Variants in TDRD1 observed in about 807,000 individuals in gnomAD.
The protein encoded by TDRD1 is tudor domain-containing protein 1.
A neutral mutation model predicts 140.6 loss-of-function variants in TDRD1; 37 were observed. The ratio of observed to expected loss-of-function variants is 0.26; its 90% CI spans 0.20 to 0.35. TDRD1 has a LOEUF of 0.35. Ranked by LOEUF, TDRD1 falls within the 10% of genes least tolerant of loss-of-function variation. TDRD1 has a pLI of 1.00. For synonymous variants in TDRD1, 506 were observed against 475.7 expected, an observed-to-expected ratio of 1.06 and a Z score of -0.83; for missense variants, 1,243 against 1,393.0, an observed-to-expected ratio of 0.89 and a Z score of 1.71.
chr10:114,180,437 G>C (rs1474669855), intron 1 of TDRD1, among the ~76,000 whole-genome samples: 1 of 152,166 alleles, frequency 6.6e-6, no homozygotes, highest in Non-Finnish European at 1.5e-5. Context: ...TTACCGAAGC[G>C]TTGCGTTTTG....
intron 17 of TDRD1, 128 bp downstream of exon 17, chr10:114,217,783 C>T (rs554553767): frequency 1.7e-6 from 1 of 595,750 alleles, no homozygotes; most frequent in Admixed American, 3.6e-5. Context: ...TGAATGCTTA[C>T]AATGTCATGT....
intron 11 of TDRD1, among the ~76,000 whole-genome samples, chr10:114,208,734 T>G (rs1301666390): frequency 6.6e-6 from 1 of 152,136 alleles, no homozygotes; most frequent in African/African-American, 2.4e-5. Context: ...CTTAACTACT[T>G]GCTTAGTATG....
At chr10:114,218,460 T>C (rs749918046) in exon 18 of TDRD1, 3 of 1,609,752 alleles carry the variant, frequency 1.9e-6, no homozygotes, top group Non-Finnish European at 2.5e-6. Flanking sequence ...TCTTACCAAA[T>C]GGACATGTTA....
At chr10:114,221,669 C>T (rs1349708812) in intron 20 of TDRD1, among the ~76,000 whole-genome samples, 193 bp downstream of exon 20, 2 of 152,182 alleles carry the variant, frequency 1.3e-5, no homozygotes, top group African/African-American at 4.8e-5. Flanking sequence ...CTACTACAGT[C>T]AGCACCTACC....
exon 26 of TDRD1, chr10:114,231,709 G>T: frequency 1.9e-6 from 1 of 514,930 alleles, no homozygotes; most frequent in Non-Finnish European, 3.4e-6. Context: ...TAAATATTAC[G>T]TAAAAAATTC....
At chr10:114,183,640 TGGA>T (rs2033274165) in intron 1 of TDRD1, among the ~76,000 whole-genome samples, 1 of 152,032 alleles carries the variant, frequency 6.6e-6, no homozygotes, top group African/African-American at 2.4e-5. Flanking sequence ...ACGGTGTTTC[TGGA>T]AACTAAGATT....
intron 5 of TDRD1, among the ~76,000 whole-genome samples, chr10:114,201,887 C>T (rs912765006): frequency 2.0e-5 from 3 of 152,170 alleles, no homozygotes; most frequent in Non-Finnish European, 2.9e-5. Flanking sequence ...TACCAGTTTA[C>T]AAAACAGTTT....
rs554597587 is a variant in TDRD1, at chr10:114,208,435, A to T, written c.1384+2105A>T. ...TTAGCTGTGCCTCTGTCACACAATT[A>T]AATCAGTCCTCCTGTCCTGCCCCTT... On this transcript the variant is annotated intron_variant, in intron 11 of 25. Coordinates refer to ENST00000251864, the Ensembl canonical transcript of TDRD1. 4.2e-3 allele frequency among the ~76,000 whole-genome samples: 641 copies of T among 152,344 alleles called. 3 individuals carry two copies. Among genetic ancestry groups the T allele is most frequent in the Non-Finnish European group, 6.1e-3 (413 of 68,036 alleles).
chr10:114,184,412 C>T lies in TDRD1; in HGVS notation c.-6-3414C>T, dbSNP rs962225914. ...GCTCTGCATTTTCTCCTTCACCATCCTCAGGCTGTGCTTATTACTCCCTAA... is the reference window on the plus strand; with the variant it reads ...GCTCTGCATTTTCTCCTTCACCATCTTCAGGCTGTGCTTATTACTCCCTAA... On this transcript the variant is annotated intron_variant, in intron 1 of 25. Coordinates refer to ENST00000251864, the Ensembl canonical transcript of TDRD1. 2.0e-5 allele frequency among the ~76,000 whole-genome samples: 3 copies of T among 152,222 alleles called. No homozygotes were observed. In the South Asian group the frequency reaches 6.2e-4, roughly 31 times the overall value.
intron 1 of TDRD1, among the ~76,000 whole-genome samples, chr10:114,182,271 G>T (rs1368003150): frequency 6.6e-6 from 1 of 152,162 alleles, no homozygotes; most frequent in East Asian, 1.9e-4. Flanking sequence ...CAGCACAATT[G>T]GCTGTCCCGA....
At chr10:114,202,087 C>G in intron 5 of TDRD1, 151 bp from the exon 6 acceptor site, 1 of 597,808 alleles carries the variant, frequency 1.7e-6, no homozygotes, top group Non-Finnish European at 2.9e-6. Flanking sequence ...GTAGCCAGCA[C>G]TGGGGAGTTT....
In TDRD1 at chr10:114,206,225, T is replaced by A. The variant is rs1564950468; in HGVS notation, c.1298-19T>A. 1 of 1,591,316 alleles carries A rather than the reference T, an allele frequency of 6.3e-7. No homozygotes were observed. Among genetic ancestry groups the A allele is most frequent in the Non-Finnish European group, 8.6e-7 (1 of 1,161,106 alleles). On this transcript the variant is annotated intron_variant, in intron 10 of 25. Transcript: ENST00000251864. The stretch of plus-strand genomic sequence containing the variant: ...GTATAGTTTCTCAATGGAGGCATAT[T>A]TTCTTAATCACTTTTTAGGAAAACT...
chr10:114,187,326 G>A (rs1022612039), intron 1 of TDRD1, among the ~76,000 whole-genome samples: 14 of 152,176 alleles, frequency 9.2e-5, no homozygotes, highest in African/African-American at 3.4e-4. Flanking sequence ...TGCCCAGGAT[G>A]GTCAGGCAGT....
chr10:114,223,925 G>A (rs560386072), intron 21 of TDRD1, among the ~76,000 whole-genome samples: 1 of 152,138 alleles, frequency 6.6e-6, no homozygotes, highest in Non-Finnish European at 1.5e-5. Context: ...TGTTATCCTG[G>A]GTTTTTCCTC....
upstream of TDRD1, chr10:114,179,187 A>G (rs1246646488): frequency 6.6e-6 from 1 of 152,310 alleles, no homozygotes; most frequent in Non-Finnish European, 1.5e-5. Flanking sequence ...GCCTGTAACT[A>G]GAGCACAAGC....
intron 1 of TDRD1, among the ~76,000 whole-genome samples, chr10:114,186,920 A>C (rs2033579270): frequency 6.6e-6 from 1 of 152,160 alleles, no homozygotes; most frequent in Non-Finnish European, 1.5e-5. Context: ...GACCATGTTA[A>C]ACAACATTTA....
intron 16 of TDRD1, among the ~76,000 whole-genome samples, 163 bp from the exon 17 acceptor site, chr10:114,217,382 C>T (rs1047415587): frequency 2.0e-5 from 3 of 152,200 alleles, no homozygotes; most frequent in African/African-American, 7.2e-5. Flanking sequence ...AACTTATTTG[C>T]CCAGTAGTTT....
chr10:114,189,626 C>G (rs182685647), intron 2 of TDRD1, among the ~76,000 whole-genome samples: 7 of 152,290 alleles, frequency 4.6e-5, no homozygotes, highest in African/African-American at 1.7e-4. Context: ...CAGTCTCACT[C>G]TGTCACCCAA....
intron 4 of TDRD1, among the ~76,000 whole-genome samples, chr10:114,199,990 CAA>C (rs1474522665): frequency 6.6e-6 from 1 of 152,138 alleles, no homozygotes; most frequent in East Asian, 1.9e-4. Flanking sequence ...ATGGCTGAGT[CAA>C]AGGGTAGGTG....
Sources: gnomAD v4.1 joint callset for allele counts (sites outside exome capture counted in the v4.1 genomes callset) on GRCh38, gnomAD v4.1.1 for gene constraint, MANE v1.5 for transcripts, NCBI Gene and HGNC (gene_info 2026-07-23, HGNC 2026-07-21) for gene names.